The following SULT1C2 variants were observed in gnomAD, a reference collection of about 807,000 sequenced individuals.
The protein encoded by SULT1C2 is sulfotransferase family 1C member 2, also known as sulfotransferase 1C2.
In SULT1C2, 27 loss-of-function variants were observed where a neutral mutation model predicts 36.0. The observed-to-expected ratio is 0.75, with a 90% CI of 0.55 to 1.03. The LOEUF (loss-of-function observed/expected upper bound fraction) is 1.03, where lower values mean the gene tolerates loss of function less well. Among genes scored for constraint, SULT1C2 ranks in the 50% least tolerant of loss-of-function variants. The probability of loss-of-function intolerance (pLI) is 0.00; values close to 1 mark genes in which losing one functional copy is unlikely to be tolerated. For missense variants in SULT1C2, 395 were observed against 359.2 expected, an observed-to-expected ratio of 1.10 and a Z score of -0.80; for synonymous variants, 121 against 116.0, an observed-to-expected ratio of 1.04 and a Z score of -0.27.
intron 1 of SULT1C2, 78 bp from the exon 2 acceptor site, chr2:108,293,569 T>A: frequency 7.2e-7 from 1 of 1,380,956 alleles, no homozygotes; most frequent in Middle Eastern, 2.2e-4. Flanking sequence ...CACCTAACGA[T>A]GGTTAAAATG....
At position 108,289,018 on chromosome 2, in the gene SULT1C2, C is replaced by T. The variant is rs1042207820; in HGVS notation, c.-74C>T. ...TTCCTGTGAAAGTCCTTTCCGTGCC[C>T]ACTGACCCTTGAGTGGGCCTTTGAG... is the stretch of plus-strand genomic sequence containing the variant. On this transcript the variant is annotated 5_prime_UTR_variant, in exon 1 of 8. Transcript: ENST00000251481. 2.6e-5 allele frequency: 4 copies of T among 152,646 alleles called. No individual in the cohort carries two copies. Among genetic ancestry groups the T allele is most frequent in the Non-Finnish European group, 5.9e-5 (4 of 68,044 alleles). 9.5% of individuals were successfully genotyped at this position (152,646 alleles called of 1,614,324 possible).
rs1676971817 is a variant in SULT1C2 at position 108,304,588 on chromosome 2, T to G, written c.390T>G (p.Ala130=). Residue 130 remains alanine, a synonymous_variant, in exon 5 of 8, where the codon GCT becomes GCG. Transcript: ENST00000251481. ...WENNCKFLYV[A]RNAKDCMVSY... ...TTACCCCAAAGTTCCTTTATGTAGCTCGAAATGCCAAAGACTGTATGGTTT... is the reference window on the plus strand; with the variant it reads ...TTACCCCAAAGTTCCTTTATGTAGCGCGAAATGCCAAAGACTGTATGGTTT... 3.1e-6 allele frequency: 5 copies of G among 1,605,984 alleles called. No individual in the cohort carries two copies. The highest frequency in any genetic ancestry group is 1.7e-5 in the Admixed American group (1 of 57,626).
intron 1 of SULT1C2, among the ~76,000 whole-genome samples, chr2:108,289,699 C>T (rs1190183271): frequency 6.6e-6 from 1 of 152,162 alleles, no homozygotes; most frequent in Non-Finnish European, 1.5e-5. Context: ...ACATGCCTGA[C>T]TCTCCAAGGG....
chr2:108,290,732 C>A (rs1676570836), intron 1 of SULT1C2, among the ~76,000 whole-genome samples: 3 of 152,174 alleles, frequency 2.0e-5, no homozygotes, highest in African/African-American at 7.2e-5. Flanking sequence ...ACCCTTATGG[C>A]CCAAACACCT....
intron 3 of SULT1C2, among the ~76,000 whole-genome samples, chr2:108,294,743 G>A (rs531483936): frequency 2.6e-5 from 4 of 151,930 alleles, no homozygotes; most frequent in Middle Eastern, 3.4e-3. Context: ...GTGCAGCCAG[G>A]AGGGTATCCA....
intron 3 of SULT1C2, among the ~76,000 whole-genome samples, chr2:108,297,745 A>G (rs759752392): frequency 1.3e-5 from 2 of 152,172 alleles, no homozygotes; most frequent in South Asian, 4.1e-4. Context: ...CTATGTTCAT[A>G]AAAGAAAACA....
chr2:108,289,824 C>G (rs1344839232), intron 1 of SULT1C2, among the ~76,000 whole-genome samples: 3 of 152,188 alleles, frequency 2.0e-5, no homozygotes, highest in Non-Finnish European at 4.4e-5. Context: ...CACTACCCAG[C>G]TGCCTCAATC....
intron 6 of SULT1C2, 50 bp downstream of exon 6, chr2:108,305,316 C>T (rs753893807): frequency 1.2e-6 from 2 of 1,610,464 alleles, no homozygotes; most frequent in Non-Finnish European, 1.7e-6. Context: ...TCTTCAGGTG[C>T]AGAGAAATTC....
intron 1 of SULT1C2, among the ~76,000 whole-genome samples, chr2:108,291,825 G>A (rs1008563939): frequency 6.6e-6 from 1 of 152,188 alleles, no homozygotes; most frequent in Non-Finnish European, 1.5e-5. Flanking sequence ...AGAAATGTTT[G>A]TTCTTATCCC....
chr2:108,294,672 TG>T (rs1226932415), intron 3 of SULT1C2, among the ~76,000 whole-genome samples: 1 of 152,124 alleles, frequency 6.6e-6, no homozygotes, highest in Non-Finnish European at 1.5e-5. Flanking sequence ...ACATTGAAGA[TG>T]TGAAAAACTG....
intron 3 of SULT1C2, chr2:108,299,710 C>G (rs1676824865): frequency 6.6e-6 from 1 of 152,162 alleles, no homozygotes; most frequent in African/African-American, 2.4e-5. Context: ...CTACATGATC[C>G]AGCAATTCCA....
At position 108,308,446 on chromosome 2, in the gene SULT1C2, C is replaced by A. The variant is rs766149684; in HGVS notation, c.873C>A (p.Asn291Lys). 1.2e-6 allele frequency: 2 copies of A among 1,610,028 alleles called. No homozygotes were observed. The highest frequency in any genetic ancestry group is 3.4e-5 in the Admixed American group (2 of 58,720). Residue 291 changes from asparagine (N) to lysine (K), a missense_variant, in exon 8 of 8, where the codon AAC becomes AAA. By Grantham distance (94) the Asn-to-Lys change is moderately conservative. Transcript: ENST00000251481. ...GAAAGATGGAAGGAACCTCCATAAA[C>A]TTCTGCATGGAACTCTGAGCAAGAT... ...YRRKMEGTSI[N>K]FCMEL
chr2:108,297,701 G>A (rs1414970912), intron 3 of SULT1C2, among the ~76,000 whole-genome samples: 2 of 152,160 alleles, frequency 1.3e-5, no homozygotes, highest in African/African-American at 4.8e-5. Context: ...GAGAGGTGGG[G>A]CGAGGGTGTG....
chr2:108,296,322 AC>A (rs1409438187), intron 3 of SULT1C2, among the ~76,000 whole-genome samples: 1 of 152,248 alleles, frequency 6.6e-6, no homozygotes, highest in Non-Finnish European at 1.5e-5. Flanking sequence ...GGCATGTCAT[AC>A]AGAGGCACCC....
intron 3 of SULT1C2, among the ~76,000 whole-genome samples, chr2:108,298,055 AG>A (rs993526196): frequency 1.3e-5 from 2 of 152,226 alleles, no homozygotes; most frequent in African/African-American, 4.8e-5. Flanking sequence ...CGCGAGTACC[AG>A]GAAGGAAATC....
rs1314874419 is a variant in SULT1C2, at chr2:108,308,743, C to T, written c.*279C>T. 1.6e-5 allele frequency: 5 copies of T among 321,124 alleles called. No individual in the cohort carries two copies. The highest frequency in any genetic ancestry group is 2.1e-5 in the African/African-American group (1 of 46,684). 19.9% of individuals were successfully genotyped at this position (321,124 alleles called of 1,614,324 possible). A position where few individuals can be genotyped will look rare whatever the true frequency, so the allele number is the denominator to read the frequency against. ...TTGAGTACAAAAGGATTGTTTTAAT[C>T]CCCATTATTCTGGAAAGTGCATCCT... On this transcript the variant is annotated 3_prime_UTR_variant, in exon 8 of 8. Coordinates refer to ENST00000251481, the MANE Select transcript of SULT1C2 (RefSeq NM_001056.4).
chr2:108,300,621 G>C, intron 3 of SULT1C2: 3 of 684,880 alleles, frequency 4.4e-6, no homozygotes, highest in Non-Finnish European at 6.5e-6. Context: ...TAAAGTGACA[G>C]AGTAAATTAA....
chr2:108,293,716 G>A lies in SULT1C2; in HGVS notation c.49G>A (p.Glu17Lys), dbSNP rs770588662. 5 of 1,613,982 alleles carry A rather than the reference G, an allele frequency of 3.1e-6. No homozygotes were observed. Among genetic ancestry groups the A allele is most frequent in the Admixed American group, 1.7e-5 (1 of 60,000 alleles). Reference sequence around the variant, plus strand: ...GAAACAGATAAAACTGAAAGAGGTGGAGGGGACCCTCCTGCAGCCTGCAAC... The same window carrying A: ...GAAACAGATAAAACTGAAAGAGGTGAAGGGGACCCTCCTGCAGCCTGCAAC... ...LGKQIKLKEV[E>K]GTLLQPATVD... is the part of the protein sequence containing the mutation. The change falls in exon 2 of 8, where the codon GAG (glutamate) becomes AAG (lysine). Residue 17 changes from glutamate (E) to lysine (K), a missense_variant. By Grantham distance (56) the Glu-to-Lys change is moderately conservative. Coordinates refer to ENST00000251481, the MANE Select transcript of SULT1C2 (RefSeq NM_001056.4).
chr2:108,295,588 CTG>C (rs1234209623), intron 3 of SULT1C2, among the ~76,000 whole-genome samples: 1 of 152,238 alleles, frequency 6.6e-6, no homozygotes, highest in African/African-American at 2.4e-5. Flanking sequence ...CATAACCTCT[CTG>C]TGTTACAGTT....
Sources: allele counts gnomAD v4.1 joint callset (sites outside exome capture counted in the v4.1 genomes callset), GRCh38; gene constraint gnomAD v4.1.1; transcripts MANE v1.5; gene names NCBI Gene and HGNC (gene_info 2026-07-23, HGNC 2026-07-21).